PPFIBP2: variants seen among roughly 807,000 people sequenced by gnomAD.
PPFIBP2 encodes PPFIB scaffold protein 2.
Under a neutral mutation model 118.3 loss-of-function variants are expected in PPFIBP2, and 118 were observed. That is an observed-to-expected ratio of 1.00 (90% CI 0.86 to 1.16). PPFIBP2 has a LOEUF of 1.16. PPFIBP2 is among the 50% of genes most tolerant of loss of function. The pLI is 0.00. For missense variants in PPFIBP2, 1,195 were observed against 1,073.1 expected, an observed-to-expected ratio of 1.11 and a Z score of -1.59; for synonymous variants, 414 against 397.4, an observed-to-expected ratio of 1.04 and a Z score of -0.50.
the PPFIBP2 span, chr11:7,667,158 A>ATAATC: frequency 3.9e-5 from 6 of 152,394 alleles, no homozygotes; most frequent in Admixed American, 2.0e-4. Context: ...GTTTTAGAAA[A>ATAATC]TAATCTAAAA....
chr11:7,660,237 G>A (rs1204472630), downstream of PPFIBP2, among the ~76,000 whole-genome samples: 2 of 126,994 alleles, frequency 1.6e-5, 1 homozygote, highest in Non-Finnish European at 3.7e-5. Context: ...CGTTTTCAAA[G>A]GGAATGCTTC....
intron 10 of PPFIBP2, among the ~76,000 whole-genome samples, chr11:7,630,090 G>T (rs1850556906): frequency 6.6e-6 from 1 of 152,250 alleles, no homozygotes; most frequent in Admixed American, 6.5e-5. Context: ...GCATAGTGGT[G>T]CATGTGCCGG....
At chr11:7,655,701 GC>G (rs1180551558), downstream of PPFIBP2, among the ~76,000 whole-genome samples, 1 of 152,000 alleles carries the variant, frequency 6.6e-6, no homozygotes, top group Non-Finnish European at 1.5e-5. Context: ...TGGACCTTGA[GC>G]CCCTAAGGGC....
At chr11:7,612,364 T>C (rs563471821) in intron 6 of PPFIBP2, among the ~76,000 whole-genome samples, 1 of 152,228 alleles carries the variant, frequency 6.6e-6, no homozygotes, top group South Asian at 2.1e-4. Flanking sequence ...CTTTGGGTCA[T>C]ATACCTGGTT....
Position 7,625,891 on chromosome 11 carries a change from G to A in PPFIBP2, c.826G>A (p.Asp276Asn). 1 of 1,613,008 alleles carries A rather than the reference G, an allele frequency of 6.2e-7. No individual in the cohort carries two copies. Among genetic ancestry groups the A allele is most frequent in the South Asian group, 1.1e-5 (1 of 91,010 alleles). The change falls in exon 8 of 24, where the codon GAC becomes AAC. Residue 276 changes from aspartate (D) to asparagine (N), a missense_variant and splice_region_variant. Physicochemically the swap from Asp to Asn is conservative, Grantham distance 23. Coordinates refer to ENST00000299492, the MANE Select transcript of PPFIBP2 (RefSeq NM_003621.5). ...CCACAGTGAGAGTCACACAGAGAGA[G>A]GTGACTAGCTTGACTCTGACAAAAT... ...ALHSESHTERDQEIQRLKMGM... is the reference protein window; with the variant it reads ...ALHSESHTERNQEIQRLKMGM...
chr11:7,641,113 T>A (rs1450135656), intron 15 of PPFIBP2: 1 of 1,227,998 alleles, frequency 8.1e-7, no homozygotes, highest in Non-Finnish European at 1.1e-6. Flanking sequence ...TGCCTTTGTT[T>A]CCCTACCCTA....
intron 3 of PPFIBP2, among the ~76,000 whole-genome samples, chr11:7,568,029 C>T (rs1183345443): frequency 2.0e-5 from 3 of 152,234 alleles, no homozygotes; most frequent in Admixed American, 6.5e-5. Context: ...TGCCCAGCGC[C>T]TTCTCATGCA....
intron 17 of PPFIBP2, among the ~76,000 whole-genome samples, chr11:7,642,821 A>G (rs1028192483): frequency 6.6e-6 from 1 of 152,226 alleles, no homozygotes; most frequent in African/African-American, 2.4e-5. Context: ...GATTCCAATT[A>G]AGGAAGAAAA....
intron 3 of PPFIBP2, among the ~76,000 whole-genome samples, chr11:7,587,232 C>CA (rs1858376292): frequency 6.6e-6 from 1 of 152,210 alleles, no homozygotes; most frequent in South Asian, 2.1e-4. Context: ...ACATCCCACA[C>CA]AGACACTCCC....
intron 17 of PPFIBP2, among the ~76,000 whole-genome samples, chr11:7,643,678 T>C (rs2135928730): frequency 6.6e-6 from 1 of 152,372 alleles, no homozygotes; most frequent in East Asian, 1.9e-4. Flanking sequence ...TATGTTAATG[T>C]CCTCTGGTGA....
intron 7 of PPFIBP2, among the ~76,000 whole-genome samples, chr11:7,624,223 G>T (rs1849689205): frequency 6.6e-6 from 1 of 152,170 alleles, no homozygotes; most frequent in Non-Finnish European, 1.5e-5. Flanking sequence ...CCTGACATTG[G>T]AGCAGGCAGG....
intron 3 of PPFIBP2, among the ~76,000 whole-genome samples, chr11:7,567,946 AT>A (rs988355869): frequency 6.6e-6 from 1 of 152,156 alleles, no homozygotes; most frequent in African/African-American, 2.4e-5. Context: ...CAGTTGAATT[AT>A]TTTTTTAAAG....
chr11:7,644,844 G>A lies in PPFIBP2; in HGVS notation c.1646+2418G>A, dbSNP rs949726402. Among the ~76,000 whole-genome samples the A allele has an allele frequency of 2.2e-4, 34 of 151,384 alleles. No homozygotes were observed. In the South Asian group the frequency reaches 6.7e-3, roughly 30 times the overall value. ...AGATCGAGACCATCCCGGCTAAAAC[G>A]GTGAAACCCCGTCTCTACTAAAAAT... On this transcript the variant is annotated intron_variant, in intron 17 of 23. Coordinates refer to ENST00000299492, the MANE Select transcript of PPFIBP2 (RefSeq NM_003621.5).
chr11:7,556,348 G>A (rs903959225), intron 2 of PPFIBP2, among the ~76,000 whole-genome samples: 13 of 152,208 alleles, frequency 8.5e-5, no homozygotes, highest in Admixed American at 2.6e-4. Context: ...CCAGCTACTC[G>A]GGAGGCTGAG....
chr11:7,666,431 G>A, the PPFIBP2 span: 1 of 1,505,598 alleles, frequency 6.6e-7, no homozygotes, highest in Non-Finnish European at 9.2e-7. Flanking sequence ...CATGGTGAGT[G>A]AGGGCAATGG....
intron 3 of PPFIBP2, among the ~76,000 whole-genome samples, chr11:7,587,851 A>G (rs963643316): frequency 6.6e-6 from 1 of 152,216 alleles, no homozygotes; most frequent in African/African-American, 2.4e-5. Context: ...TTTATACCAC[A>G]TAATTACAGT....
intron 17 of PPFIBP2, among the ~76,000 whole-genome samples, chr11:7,644,941 G>C (rs988712844): frequency 1.9e-4 from 28 of 145,230 alleles, no homozygotes; most frequent in Non-Finnish European, 3.6e-4. Flanking sequence ...GCAGGAGAAT[G>C]GCGTGAACCC....
chr11:7,618,722 C>T (rs1848980572), intron 6 of PPFIBP2, among the ~76,000 whole-genome samples: 1 of 151,842 alleles, frequency 6.6e-6, no homozygotes, highest in African/African-American at 2.4e-5. Context: ...GCTGGGATTA[C>T]AGGCACTTGC....
At chr11:7,665,425 G>T in the PPFIBP2 span, 1 of 1,611,452 alleles carries the variant, frequency 6.2e-7, no homozygotes, top group Non-Finnish European at 8.5e-7. Flanking sequence ...CCAGGTTAGG[G>T]TGAGCCGCCG....
Sources: allele counts gnomAD v4.1 joint callset (sites outside exome capture counted in the v4.1 genomes callset), GRCh38; gene constraint gnomAD v4.1.1; transcripts MANE v1.5; gene names NCBI Gene and HGNC (gene_info 2026-07-23, HGNC 2026-07-21).